CNTN5: variants seen among roughly 807,000 people sequenced by gnomAD.
The protein encoded by CNTN5 is contactin-5.
A neutral mutation model predicts 129.1 loss-of-function variants in CNTN5; 77 were observed. The observed-to-expected ratio is 0.60, with a 90% CI of 0.50 to 0.72. CNTN5 has a LOEUF of 0.72. CNTN5 is among the 30% of genes least tolerant of loss of function. The probability of loss-of-function intolerance (pLI) is 0.00; values close to 1 mark genes in which losing one functional copy is unlikely to be tolerated. For missense variants in CNTN5, 1,478 were observed against 1,328.8 expected (o/e 1.11, Z -1.75); for synonymous variants, 509 against 465.6 (o/e 1.09, Z -1.20).
At chr11:99,809,119 G>A (rs1238637318) in intron 3 of CNTN5, among the ~76,000 whole-genome samples, 2 of 152,072 alleles carry the variant, frequency 1.3e-5, no homozygotes, top group African/African-American at 2.4e-5. Flanking sequence ...GACTCCCCCA[G>A]GCCCGGGAAA....
intron 2 of CNTN5, among the ~76,000 whole-genome samples, chr11:99,545,843 A>C (rs1026264363): frequency 6.6e-6 from 1 of 152,182 alleles, no homozygotes; most frequent in Admixed American, 6.5e-5. Context: ...CGTAAGTTGC[A>C]CATTTTGGAA....
At chr11:99,876,235 A>T (rs1329998342) in intron 6 of CNTN5, among the ~76,000 whole-genome samples, 1 of 152,154 alleles carries the variant, frequency 6.6e-6, no homozygotes, top group South Asian at 2.1e-4. Context: ...CAGGACCTGC[A>T]TCTGGAACCC....
chr11:100,281,202 ATTAT>A lies in CNTN5; in HGVS notation c.2314+9967_2314+9970del, dbSNP rs569699636. Among the ~76,000 whole-genome samples, 357 of 152,178 alleles carry A rather than the reference ATTAT, an allele frequency of 2.3e-3. 2 individuals are homozygous for A. Among genetic ancestry groups the A allele is most frequent in the African/African-American group, 8.3e-3 (346 of 41,564 alleles). ...CCAATGAGTTTTTTACATTCAAATG[ATTAT>A]TTATTCCTCATTAATGTCCTTTTCT... On this transcript the variant is annotated intron_variant, in intron 18 of 24. Transcript: ENST00000524871.
chr11:99,509,324 A>C (rs1273343834), intron 2 of CNTN5, among the ~76,000 whole-genome samples: 1 of 152,092 alleles, frequency 6.6e-6, no homozygotes, highest in African/African-American at 2.4e-5. Flanking sequence ...ACCATCGTAC[A>C]TGAAAAATTC....
At position 99,299,127 on chromosome 11, in the gene CNTN5, A is replaced by G. The variant is rs545002152; in HGVS notation, c.-209-26219A>G. On this transcript the variant is annotated intron_variant, in intron 1 of 24. Transcript: ENST00000524871. ...GATAACAACATAAACAAAATACAAG[A>G]CATACCAAAAAATAAAGGAAAATAT... is the stretch of plus-strand genomic sequence containing the variant. Among the ~76,000 whole-genome samples the G allele has an allele frequency of 4.0e-4, 61 of 152,294 alleles. 1 individual carries two copies. The South Asian group carries it at 5.2e-3, about 13-fold the overall frequency.
At chr11:99,099,549 TACACACAC>T (rs57981357) in intron 1 of CNTN5, among the ~76,000 whole-genome samples, 9,363 of 149,716 alleles carry the variant, frequency 0.063, 774 homozygotes, top group East Asian at 0.34. Flanking sequence ...ATAATGTGTA[TACACACAC>T]ACACACACAC....
At chr11:100,021,266 G>T (rs1418901938) in intron 9 of CNTN5, among the ~76,000 whole-genome samples, 1 of 152,124 alleles carries the variant, frequency 6.6e-6, no homozygotes, top group Non-Finnish European at 1.5e-5. Context: ...TGACTTATGT[G>T]CACATGGGAA....
chr11:99,817,578 T>C, intron 3 of CNTN5, among the ~76,000 whole-genome samples: 1 of 148,968 alleles, frequency 6.7e-6, no homozygotes, highest in East Asian at 2.1e-4. Flanking sequence ...CTGTAATTGT[T>C]AATACTAGTC....
intron 3 of CNTN5, among the ~76,000 whole-genome samples, chr11:99,581,646 G>C (rs1949598198): frequency 6.6e-6 from 1 of 152,100 alleles, no homozygotes; most frequent in South Asian, 2.1e-4. Flanking sequence ...CCGAGACTAG[G>C]ATTGCAACCC....
rs543153768 is a variant in CNTN5, at chr11:100,091,844, T to C, written c.1580+17550T>C. The stretch of plus-strand genomic sequence containing the variant: ...CTTTGTACATGTGGAAGCTAAAAAA[T>C]ATGTTTTAAATGAATTTTTGGAGTA... On this transcript the variant is annotated intron_variant, in intron 13 of 24. Transcript: ENST00000524871. Among the ~76,000 whole-genome samples the C allele has an allele frequency of 1.5e-4, 23 of 152,222 alleles. No individual in the cohort carries two copies. In the East Asian group the frequency reaches 3.1e-3, roughly 21 times the overall value.
intron 1 of CNTN5, among the ~76,000 whole-genome samples, chr11:99,219,083 C>A (rs1203599919): frequency 1.3e-5 from 2 of 151,882 alleles, no homozygotes; most frequent in African/African-American, 2.4e-5. Flanking sequence ...GCAATGAAAC[C>A]AAATCCTCAC....
chr11:99,959,185 C>T (rs1399996338), intron 8 of CNTN5, among the ~76,000 whole-genome samples: 2 of 152,130 alleles, frequency 1.3e-5, no homozygotes, highest in African/African-American at 4.8e-5. Context: ...CTGAAAGCTA[C>T]CTGAAATGTT....
intron 9 of CNTN5, among the ~76,000 whole-genome samples, chr11:100,035,250 G>A (rs904726759): frequency 1.3e-5 from 2 of 151,420 alleles, no homozygotes; most frequent in Non-Finnish European, 2.9e-5. Flanking sequence ...ATAGTTTACT[G>A]AGAATGATGA....
At chr11:99,840,833 A>G (rs898051489) in intron 4 of CNTN5, among the ~76,000 whole-genome samples, 3 of 152,168 alleles carry the variant, frequency 2.0e-5, no homozygotes, top group African/African-American at 7.2e-5. Context: ...CCATCAAGCA[A>G]AAGAGTGCAG....
intron 1 of CNTN5, among the ~76,000 whole-genome samples, chr11:99,097,816 G>A (rs1049670849): frequency 2.6e-5 from 4 of 151,858 alleles, no homozygotes; most frequent in African/African-American, 9.7e-5. Flanking sequence ...TTTAAGTTAG[G>A]TGATGTCTTT....
chr11:100,138,918 A>G (rs1946608678), intron 13 of CNTN5, among the ~76,000 whole-genome samples: 1 of 152,122 alleles, frequency 6.6e-6, no homozygotes. Context: ...GAGAAGTGAT[A>G]TCTTTCTAGA....
At chr11:100,029,448 T>A (rs575237995) in intron 9 of CNTN5, among the ~76,000 whole-genome samples, 6 of 151,834 alleles carry the variant, frequency 4.0e-5, no homozygotes, top group Admixed American at 3.3e-4. Flanking sequence ...CCGGGCGAGG[T>A]GGCAGGCGCC....
At chr11:99,413,146 A>C (rs990797375) in intron 2 of CNTN5, among the ~76,000 whole-genome samples, 3 of 152,182 alleles carry the variant, frequency 2.0e-5, no homozygotes, top group Admixed American at 6.5e-5. Context: ...ATTAATCTAC[A>C]TCAAAGCACC....
intron 2 of CNTN5, among the ~76,000 whole-genome samples, chr11:99,334,935 T>C (rs1049708896): frequency 1.3e-5 from 2 of 152,152 alleles, no homozygotes; most frequent in Non-Finnish European, 2.9e-5. Context: ...GTTATTTGAC[T>C]TTCTGGCCCT....
Sources: gnomAD v4.1 joint callset for allele counts (sites outside exome capture counted in the v4.1 genomes callset) on GRCh38, gnomAD v4.1.1 for gene constraint, MANE v1.5 for transcripts, NCBI Gene and HGNC (gene_info 2026-07-23, HGNC 2026-07-21) for gene names.